MSH3: variants seen among roughly 807,000 people sequenced by gnomAD.
The protein encoded by MSH3 is DNA mismatch repair protein Msh3.
Under a neutral mutation model 123.3 loss-of-function variants are expected in MSH3, and 106 were observed. The observed-to-expected ratio is 0.86, with a 90% CI of 0.73 to 1.01. MSH3 has a LOEUF of 1.01. Ranked by LOEUF, MSH3 falls within the 50% of genes least tolerant of loss-of-function variation. MSH3 has a pLI of 0.00. For synonymous variants in MSH3, 515 were observed against 481.4 expected (o/e 1.07, Z -0.91); for missense variants, 1,459 against 1,347.6 (o/e 1.08, Z -1.29).
chr5:80,819,406 G>T (rs1203450272), intron 20 of MSH3, among the ~76,000 whole-genome samples: 1 of 148,250 alleles, frequency 6.7e-6, no homozygotes, highest in Non-Finnish European at 1.5e-5. Flanking sequence ...GTGTATATAT[G>T]TGTGTATATA....
At chr5:80,780,123 A>C (rs1361589120) in intron 17 of MSH3, among the ~76,000 whole-genome samples, 1 of 152,206 alleles carries the variant, frequency 6.6e-6, no homozygotes, top group Non-Finnish European at 1.5e-5. Flanking sequence ...TCATGTGTTC[A>C]TATTGGCAGT....
At chr5:80,661,378 C>T (rs1006778038) in intron 2 of MSH3, among the ~76,000 whole-genome samples, 4 of 152,134 alleles carry the variant, frequency 2.6e-5, no homozygotes, top group African/African-American at 9.7e-5. Context: ...TGGATAGATT[C>T]TACTGCTCTG....
At chr5:80,830,852 C>G (rs958175383) in intron 20 of MSH3, among the ~76,000 whole-genome samples, 2 of 152,024 alleles carry the variant, frequency 1.3e-5, no homozygotes, top group African/African-American at 4.8e-5. Flanking sequence ...AGTGTTTCCA[C>G]GGAAATTGAA....
chr5:80,761,209 G>A (rs1260505325), intron 12 of MSH3, among the ~76,000 whole-genome samples: 1 of 152,096 alleles, frequency 6.6e-6, no homozygotes, highest in African/African-American at 2.4e-5. Context: ...GGGAAACAAA[G>A]ACTCTCCAAC....
intron 23 of MSH3, among the ~76,000 whole-genome samples, chr5:80,874,625 A>G (rs1039100002): frequency 9.9e-5 from 15 of 152,250 alleles, no homozygotes; most frequent in African/African-American, 3.4e-4. Flanking sequence ...CCTAGAATAA[A>G]ACTTTACTAC....
intron 20 of MSH3, among the ~76,000 whole-genome samples, chr5:80,829,516 C>T (rs1286913860): frequency 6.6e-6 from 1 of 152,068 alleles, no homozygotes; most frequent in Non-Finnish European, 1.5e-5. Context: ...CTTCTTTAGC[C>T]AGTTGATGTG....
intron 20 of MSH3, among the ~76,000 whole-genome samples, chr5:80,834,530 C>A (rs245381): frequency 0.86 from 128,289 of 148,686 alleles, 55,430 homozygotes; most frequent in East Asian, 1. Flanking sequence ...AAAGAATCCT[C>A]CTGTAATAGA....
intron 8 of MSH3, among the ~76,000 whole-genome samples, chr5:80,693,454 A>G (rs1413941841): frequency 3.8e-4 from 34 of 90,336 alleles, no homozygotes; most frequent in Non-Finnish European, 6.6e-4. Context: ...TATATAGATA[A>G]ATATACATGC....
chr5:80,812,553 T>A (rs1745026667), intron 19 of MSH3, among the ~76,000 whole-genome samples: 1 of 151,772 alleles, frequency 6.6e-6, no homozygotes, highest in Non-Finnish European at 1.5e-5. Context: ...GAGAAGCTTT[T>A]ATGCTAGCTA....
chr5:80,784,922 A>G (rs1210049701), intron 17 of MSH3, among the ~76,000 whole-genome samples: 2 of 151,742 alleles, frequency 1.3e-5, no homozygotes, highest in African/African-American at 4.9e-5. Context: ...CACAAAAAAC[A>G]GAAATAAAGC....
chr5:80,692,770 ATG>A (rs1750338497), intron 8 of MSH3, among the ~76,000 whole-genome samples: 3 of 100,206 alleles, frequency 3.0e-5, no homozygotes, highest in Non-Finnish European at 7.2e-5. Context: ...ATACATACAC[ATG>A]TATATGTTTG....
intron 21 of MSH3, among the ~76,000 whole-genome samples, chr5:80,856,330 A>G (rs1214643827): frequency 2.0e-5 from 3 of 151,932 alleles, no homozygotes; most frequent in African/African-American, 7.3e-5. Flanking sequence ...TTTATTTGCA[A>G]AAAGATGTAA....
chr5:80,792,870 G>A (rs766526178), intron 19 of MSH3, 26 bp downstream of exon 19: 1 of 1,432,516 alleles, frequency 7.0e-7, no homozygotes, highest in Admixed American at 1.7e-5. Context: ...CAAAAAATAA[G>A]TCGATGATAA....
chr5:80,656,455 T>A lies in MSH3; in HGVS notation c.282T>A (p.Asp94Glu), dbSNP rs1017222595. ...DRRKKRPLEN[D>E]GPVKKKVKKV... ...GAAAGAAGAGACCATTGGAAAATGATGGGCCTGTTAAAAAGAAAGTAAAGA... is the reference window on the plus strand; with the variant it reads ...GAAAGAAGAGACCATTGGAAAATGAAGGGCCTGTTAAAAAGAAAGTAAAGA... Residue 94 changes from aspartate to glutamate, a missense_variant, in exon 2 of 24, where the codon GAT (aspartate) becomes GAA (glutamate). Physicochemically the swap from Asp to Glu is conservative, Grantham distance 45. Transcript: ENST00000265081. The A allele has an allele frequency of 3.1e-6, 5 of 1,614,044 alleles. No homozygotes were observed. In the Admixed American group the frequency reaches 8.3e-5, roughly 27 times the overall value.
At chr5:80,711,919 G>A (rs997701920) in intron 8 of MSH3, among the ~76,000 whole-genome samples, 11 of 152,158 alleles carry the variant, frequency 7.2e-5, no homozygotes, top group Non-Finnish European at 1.6e-4. Context: ...CTCCCACAGT[G>A]CTGGGATTAC....
intron 20 of MSH3, among the ~76,000 whole-genome samples, chr5:80,845,558 C>A (rs1745705703): frequency 6.6e-6 from 1 of 152,324 alleles, no homozygotes; most frequent in South Asian, 2.1e-4. Context: ...TATATTTGGT[C>A]TTTTCACATA....
At chr5:80,770,925 A>C (rs943849857) in intron 15 of MSH3, among the ~76,000 whole-genome samples, 1 of 152,206 alleles carries the variant, frequency 6.6e-6, no homozygotes, top group African/African-American at 2.4e-5. Context: ...TTTAAAAAGT[A>C]CAGCATGGAG....
chr5:80,814,881 T>C (rs1182854160), intron 20 of MSH3, among the ~76,000 whole-genome samples: 3 of 152,274 alleles, frequency 2.0e-5, no homozygotes, highest in Non-Finnish European at 4.4e-5. Context: ...TGAAATATCC[T>C]GGCTTCACTA....
At chr5:80,789,947 T>G (rs972504151) in intron 18 of MSH3, among the ~76,000 whole-genome samples, 7 of 152,226 alleles carry the variant, frequency 4.6e-5, no homozygotes, top group African/African-American at 1.7e-4. Flanking sequence ...TAACGCTGTT[T>G]ACCTGTTATG....
Sources: gnomAD v4.1 joint callset for allele counts (sites outside exome capture counted in the v4.1 genomes callset) on GRCh38, gnomAD v4.1.1 for gene constraint, MANE v1.5 for transcripts, NCBI Gene and HGNC (gene_info 2026-07-23, HGNC 2026-07-21) for gene names.